Variants in CHCHD6 observed in about 807,000 individuals in gnomAD.
The protein encoded by CHCHD6 is MICOS complex subunit MIC25.
CHCHD6 carries 28 observed loss-of-function variants against 32.3 expected under a neutral mutation model. That is an observed-to-expected ratio of 0.87 (90% CI 0.64 to 1.19). The LOEUF (loss-of-function observed/expected upper bound fraction) is 1.19. Among genes scored for constraint, CHCHD6 ranks in the 50% most tolerant of loss-of-function variants. The pLI, the probability that CHCHD6 is intolerant of heterozygous loss-of-function variation, is 0.00. For synonymous variants in CHCHD6, 122 were observed against 117.5 expected (o/e 1.04, Z -0.25); for missense variants, 333 against 307.0 (o/e 1.08, Z -0.63).
intron 4 of CHCHD6, among the ~76,000 whole-genome samples, chr3:126,815,995 C>G (rs1345005403): frequency 1.3e-5 from 2 of 152,150 alleles, no homozygotes; most frequent in Non-Finnish European, 2.9e-5. Context: ...TCCTCTGCCC[C>G]AGGAAAGGTG....
chr3:126,781,793 A>G (rs1480007179), intron 4 of CHCHD6, among the ~76,000 whole-genome samples: 5 of 152,100 alleles, frequency 3.3e-5, no homozygotes, highest in Non-Finnish European at 7.4e-5. Context: ...GTCTCTCTCA[A>G]CTTCATTTTC....
chr3:126,804,283 T>C (rs955194352), intron 4 of CHCHD6, among the ~76,000 whole-genome samples: 3 of 152,056 alleles, frequency 2.0e-5, no homozygotes, highest in African/African-American at 7.2e-5. Context: ...AGCTGGTTTT[T>C]TGAAAGGATC....
At chr3:126,800,139 A>C (rs1004201731) in intron 4 of CHCHD6, among the ~76,000 whole-genome samples, 1 of 152,196 alleles carries the variant, frequency 6.6e-6, no homozygotes, top group Non-Finnish European at 1.5e-5. Flanking sequence ...ATCAACTCAT[A>C]TGCACATTTA....
chr3:126,815,775 A>G (rs774550817), intron 4 of CHCHD6, among the ~76,000 whole-genome samples: 119 of 151,812 alleles, frequency 7.8e-4, no homozygotes, highest in Non-Finnish European at 1.5e-3. Flanking sequence ...TGACTTTCCT[A>G]CATTTCTGTG....
At chr3:126,760,795 A>G (rs529280502) in intron 4 of CHCHD6, among the ~76,000 whole-genome samples, 1 of 152,218 alleles carries the variant, frequency 6.6e-6, no homozygotes, top group Admixed American at 6.5e-5. Flanking sequence ...GCTGTGAACA[A>G]GAGAGTGCAA....
At chr3:126,829,444 C>T (rs926532295) in intron 4 of CHCHD6, among the ~76,000 whole-genome samples, 2 of 151,838 alleles carry the variant, frequency 1.3e-5, no homozygotes, top group Admixed American at 6.6e-5. Flanking sequence ...TGGTCATTTT[C>T]CAGGGCCTTT....
intron 4 of CHCHD6, among the ~76,000 whole-genome samples, chr3:126,795,714 C>G (rs1428409599): frequency 2.6e-5 from 4 of 152,250 alleles, no homozygotes; most frequent in African/African-American, 9.6e-5. Context: ...TAAATAATGA[C>G]CCTCAGTATT....
chr3:126,720,252 A>G (rs1413412955), intron 1 of CHCHD6, among the ~76,000 whole-genome samples: 2 of 152,140 alleles, frequency 1.3e-5, no homozygotes, highest in African/African-American at 4.8e-5. Flanking sequence ...GGATTAGGAC[A>G]TCGTCAGCTG....
intron 5 of CHCHD6, among the ~76,000 whole-genome samples, chr3:126,906,212 G>A (rs777502620): frequency 6.6e-6 from 1 of 152,184 alleles, no homozygotes; most frequent in Non-Finnish European, 1.5e-5. Context: ...ACTGCCACTA[G>A]TGGAGATGGT....
At chr3:126,830,926 C>T (rs943966153) in intron 4 of CHCHD6, among the ~76,000 whole-genome samples, 15 of 152,198 alleles carry the variant, frequency 9.9e-5, no homozygotes, top group Admixed American at 3.9e-4. Context: ...AAAGCAGCAG[C>T]GCAGCTGCTC....
At chr3:126,788,638 G>A (rs1359350969) in intron 4 of CHCHD6, among the ~76,000 whole-genome samples, 5 of 151,772 alleles carry the variant, frequency 3.3e-5, no homozygotes. Context: ...ATTCTCTGAT[G>A]GTAGTTTGTA....
intron 6 of CHCHD6, among the ~76,000 whole-genome samples, chr3:126,930,388 C>G (rs1169708567): frequency 6.6e-6 from 1 of 152,228 alleles, no homozygotes; most frequent in Non-Finnish European, 1.5e-5. Flanking sequence ...CCCGCAGTAG[C>G]TTGGTGGTCC....
rs115006099 is a variant in CHCHD6, at chr3:126,809,429, T to A, written c.412-43218T>A. On this transcript the variant is annotated intron_variant, in intron 4 of 7. Transcript: ENST00000290913. ...GATGTTGATTTCACTTGTTTAAAAT[T>A]TCTACTGTGGAAATTTTAAATTTTA... 7.3e-3 allele frequency among the ~76,000 whole-genome samples: 1,108 copies of A among 152,326 alleles called. 12 individuals are homozygous for A. Among genetic ancestry groups the A allele is most frequent in the African/African-American group, 0.025 (1,035 of 41,568 alleles).
intron 5 of CHCHD6, among the ~76,000 whole-genome samples, chr3:126,900,756 C>T (rs974127810): frequency 1.2e-4 from 18 of 152,162 alleles, no homozygotes; most frequent in Non-Finnish European, 2.1e-4. Context: ...AGGCATGTGC[C>T]ACCACGCCTG....
rs546101884 is a variant in CHCHD6, at chr3:126,774,625, C to T, written c.411+41403C>T. 9.3e-4 allele frequency among the ~76,000 whole-genome samples: 141 copies of T among 152,294 alleles called. 2 individuals carry two copies. Among genetic ancestry groups the T allele is most frequent in the African/African-American group, 3.3e-3 (137 of 41,570 alleles). On this transcript the variant is annotated intron_variant, in intron 4 of 7. Coordinates refer to ENST00000290913, the MANE Select transcript of CHCHD6 (RefSeq NM_032343.3). The stretch of plus-strand genomic sequence containing the variant: ...TCCACCGACAGGGAAGGCCTCACCA[C>T]GCTTGGGTGGTAGTCAGAGCTCCAC...
intron 5 of CHCHD6, among the ~76,000 whole-genome samples, chr3:126,902,130 A>G (rs531297293): frequency 6.6e-6 from 1 of 152,332 alleles, no homozygotes; most frequent in East Asian, 1.9e-4. Context: ...TGCACATTAG[A>G]ATCTCTTGGG....
chr3:126,949,676 C>A (rs946381630), intron 6 of CHCHD6: 1 of 215,134 alleles, frequency 4.6e-6, no homozygotes, highest in Admixed American at 6.1e-5. Context: ...CCGCCGTGGA[C>A]GGAAGGGAAG....
intron 5 of CHCHD6, among the ~76,000 whole-genome samples, chr3:126,885,812 C>T (rs144439853): frequency 9.2e-5 from 14 of 152,294 alleles, no homozygotes; most frequent in Non-Finnish European, 1.5e-4. Context: ...GTCACTTTTA[C>T]TCTCTTTGGC....
intron 5 of CHCHD6, among the ~76,000 whole-genome samples, chr3:126,908,608 A>G (rs2078039171): frequency 6.6e-6 from 1 of 152,228 alleles, no homozygotes; most frequent in Admixed American, 6.5e-5. Context: ...TTAGTGAACA[A>G]AACAAGCTAA....
Sources: allele counts gnomAD v4.1 joint callset (sites outside exome capture counted in the v4.1 genomes callset), GRCh38; gene constraint gnomAD v4.1.1; transcripts MANE v1.5; gene names NCBI Gene and HGNC (gene_info 2026-07-23, HGNC 2026-07-21).